Variants in TENM3 observed in about 807,000 individuals in gnomAD.
TENM3 encodes teneurin-3.
Under a neutral mutation model 255.1 loss-of-function variants are expected in TENM3, and 63 were observed. The ratio of observed to expected loss-of-function variants is 0.25; its 90% CI spans 0.20 to 0.30. The LOEUF (loss-of-function observed/expected upper bound fraction) is 0.30. Ranked by LOEUF, TENM3 falls within the 10% of genes least tolerant of loss-of-function variation. The pLI is 1.00. For missense variants in TENM3, 2,929 were observed against 3,461.1 expected, an observed-to-expected ratio of 0.85 and a Z score of 3.86; for synonymous variants, 1,306 against 1,322.3, an observed-to-expected ratio of 0.99 and a Z score of 0.27.
At chr4:181,827,718 C>T in the TENM3 span, among the ~76,000 whole-genome samples, 1 of 152,166 alleles carries the variant, frequency 6.6e-6, no homozygotes, top group Non-Finnish European at 1.5e-5. Context: ...AACCCTGTGG[C>T]AGATGCTTCA....
chr4:181,770,717 T>TA, the TENM3 span, among the ~76,000 whole-genome samples: 3 of 139,154 alleles, frequency 2.2e-5, no homozygotes, highest in Admixed American at 1.4e-4. Flanking sequence ...AGTTCACAGA[T>TA]AAAATTTTAT....
At chr4:181,677,022 G>A in the TENM3 span, among the ~76,000 whole-genome samples, 702 of 125,990 alleles carry the variant, frequency 5.6e-3, 6 homozygotes, top group African/African-American at 0.019. Flanking sequence ...GACTATTCCT[G>A]CTCAGTCCTT....
chr4:182,119,246 G>A, the TENM3 span, among the ~76,000 whole-genome samples: 1 of 152,108 alleles, frequency 6.6e-6, no homozygotes, highest in Admixed American at 6.6e-5. Flanking sequence ...AAAATGCTCC[G>A]ATGTATTTCG....
At chr4:182,120,954 T>C in the TENM3 span, among the ~76,000 whole-genome samples, 2 of 152,158 alleles carry the variant, frequency 1.3e-5, no homozygotes, top group African/African-American at 4.8e-5. Flanking sequence ...CATTGTAGGA[T>C]TTTGAGCAAA....
At chr4:182,039,979 G>A in the TENM3 span, among the ~76,000 whole-genome samples, 1 of 90,386 alleles carries the variant, frequency 1.1e-5, no homozygotes, top group Admixed American at 1.1e-4. Flanking sequence ...GAGGTGAGGC[G>A]ATAGGAGGGG....
chr4:182,565,639 A>G (rs1743713263), intron 3 of TENM3, among the ~76,000 whole-genome samples: 1 of 152,206 alleles, frequency 6.6e-6, no homozygotes, highest in Admixed American at 6.5e-5. Flanking sequence ...AGTACTATAA[A>G]TTTTTATAGT....
chr4:181,570,267 G>A, the TENM3 span, among the ~76,000 whole-genome samples: 6 of 151,984 alleles, frequency 3.9e-5, no homozygotes, highest in East Asian at 1.9e-4. Flanking sequence ...GGATGGTCTC[G>A]ATCTCCTGAC....
At chr4:181,987,344 A>G in the TENM3 span, among the ~76,000 whole-genome samples, 10 of 152,110 alleles carry the variant, frequency 6.6e-5, no homozygotes, top group Non-Finnish European at 1.3e-4. Context: ...AAGAAAACCA[A>G]CGGAGCCCCT....
At chr4:182,497,752 A>T (rs1213930270) in intron 3 of TENM3, among the ~76,000 whole-genome samples, 1 of 151,866 alleles carries the variant, frequency 6.6e-6, no homozygotes, top group Non-Finnish European at 1.5e-5. Context: ...ATTCTTCTTC[A>T]TAAAAAGCAA....
chr4:181,799,048 A>C, the TENM3 span, among the ~76,000 whole-genome samples: 39 of 152,334 alleles, frequency 2.6e-4, no homozygotes, highest in East Asian at 5.8e-3. Flanking sequence ...TCTATGGAAA[A>C]ATAATGTATA....
intron 2 of TENM3, among the ~76,000 whole-genome samples, chr4:182,341,934 C>T (rs1016324791): frequency 1.3e-5 from 2 of 152,136 alleles, no homozygotes; most frequent in Admixed American, 6.5e-5. Context: ...GCCCTCATTG[C>T]GAACTCCAAG....
At chr4:181,548,135 G>A in the TENM3 span, among the ~76,000 whole-genome samples, 51 of 152,144 alleles carry the variant, frequency 3.4e-4, no homozygotes, top group African/African-American at 1.0e-3. Flanking sequence ...CAGTTAGAAC[G>A]GCGATCATTA....
At chr4:182,399,725 T>C (rs1292856153) in intron 3 of TENM3, among the ~76,000 whole-genome samples, 1 of 152,238 alleles carries the variant, frequency 6.6e-6, no homozygotes, top group Non-Finnish European at 1.5e-5. Flanking sequence ...TACCCCAAAC[T>C]GCTATGCAAT....
chr4:182,620,383 T>G (rs1749996558), intron 4 of TENM3, among the ~76,000 whole-genome samples: 1 of 152,186 alleles, frequency 6.6e-6, no homozygotes, highest in Non-Finnish European at 1.5e-5. Flanking sequence ...TTGGCAGTGT[T>G]TGATATAGTG....
the TENM3 span, among the ~76,000 whole-genome samples, chr4:181,466,776 GA>G: frequency 6.6e-6 from 1 of 151,928 alleles, no homozygotes; most frequent in African/African-American, 2.4e-5. Flanking sequence ...ATTAAAATGT[GA>G]AATATTGCCC....
chr4:182,621,580 T>C (rs1274460910), intron 4 of TENM3, among the ~76,000 whole-genome samples: 2 of 123,560 alleles, frequency 1.6e-5, no homozygotes, highest in Middle Eastern at 8.1e-3. Context: ...CTGAACAACA[T>C]AGGGAGACCC....
the TENM3 span, among the ~76,000 whole-genome samples, chr4:181,834,152 AT>A: frequency 6.6e-6 from 1 of 150,782 alleles, no homozygotes; most frequent in Non-Finnish European, 1.5e-5. Context: ...ATGGAAGGGG[AT>A]TTTTTTGGCC....
chr4:182,769,807 A>C (rs1764034836), intron 22 of TENM3, among the ~76,000 whole-genome samples: 1 of 139,592 alleles, frequency 7.2e-6, no homozygotes, highest in Admixed American at 7.4e-5. Flanking sequence ...ATACATAAAT[A>C]AAGAACAGTC....
chr4:182,684,893 T>C (rs1404913708), intron 11 of TENM3, among the ~76,000 whole-genome samples: 1 of 152,198 alleles, frequency 6.6e-6, no homozygotes, highest in Non-Finnish European at 1.5e-5. Flanking sequence ...ACATGTTTAT[T>C]TTTAGCAAGA....
Sources: allele counts gnomAD v4.1 joint callset (sites outside exome capture counted in the v4.1 genomes callset), GRCh38; gene constraint gnomAD v4.1.1; transcripts MANE v1.5; gene names NCBI Gene and HGNC (gene_info 2026-07-23, HGNC 2026-07-21).